HEMK2: variants seen among roughly 807,000 people sequenced by gnomAD.
The protein encoded by HEMK2 is HemK methyltransferase 2, ETF1 glutamine and histone H4 lysine, also known as methyltransferase HEMK2.
At chr21:28,852,257 A>G in the HEMK2 span, among the ~76,000 whole-genome samples, 1 of 152,192 alleles carries the variant, frequency 6.6e-6, no homozygotes, top group Admixed American at 6.5e-5. Context: ...CCCTCACCCT[A>G]TCAGTCAGGG....
At chr21:28,752,648 G>A in the HEMK2 span, among the ~76,000 whole-genome samples, 1 of 152,188 alleles carries the variant, frequency 6.6e-6, no homozygotes, top group African/African-American at 2.4e-5. Context: ...TTAGCCATCA[G>A]GAGAACAGGG....
At chr21:28,651,102 GA>G in the HEMK2 span, among the ~76,000 whole-genome samples, 1 of 152,160 alleles carries the variant, frequency 6.6e-6, no homozygotes, top group Admixed American at 6.5e-5. Flanking sequence ...AAGATAGTTA[GA>G]GCTACATTGC....
chr21:28,647,321 T>TAAAAAAAAA, the HEMK2 span, among the ~76,000 whole-genome samples: 1 of 46,444 alleles, frequency 2.2e-5, no homozygotes, highest in African/African-American at 9.0e-5. Flanking sequence ...CCATCTCTAC[T>TAAAAAAAAA]AAAAAAAAAA....
At chr21:28,638,444 G>A in the HEMK2 span, among the ~76,000 whole-genome samples, 1 of 152,190 alleles carries the variant, frequency 6.6e-6, no homozygotes, top group African/African-American at 2.4e-5. Context: ...TAAGCCTGGA[G>A]AGGCCAGCAA....
the HEMK2 span, among the ~76,000 whole-genome samples, chr21:28,814,236 C>CA: frequency 6.0e-5 from 9 of 151,090 alleles, no homozygotes; most frequent in African/African-American, 1.9e-4. Context: ...GACTCCATCT[C>CA]AAAAAAAACA....
the HEMK2 span, among the ~76,000 whole-genome samples, chr21:28,636,825 G>A: frequency 3.9e-4 from 60 of 152,230 alleles, no homozygotes; most frequent in African/African-American, 1.4e-3. Flanking sequence ...CAGAGAGTAC[G>A]ACTCCATCAC....
chr21:28,603,510 G>C, the HEMK2 span, among the ~76,000 whole-genome samples: 90,083 of 150,974 alleles, frequency 0.6, 27,111 homozygotes, highest in East Asian at 0.82. Flanking sequence ...TCTACAGAGA[G>C]TTTAACTCTT....
the HEMK2 span, among the ~76,000 whole-genome samples, chr21:28,742,600 G>A: frequency 1.3e-5 from 2 of 151,868 alleles, no homozygotes; most frequent in Non-Finnish European, 2.9e-5. Context: ...TGAAAAAAAT[G>A]GGCATAATTC....
the HEMK2 span, among the ~76,000 whole-genome samples, chr21:28,675,567 G>T: frequency 6.6e-6 from 1 of 152,192 alleles, no homozygotes; most frequent in African/African-American, 2.4e-5. Context: ...TTTTAACCTT[G>T]CTCAGGGCAT....
At chr21:28,650,240 C>T in the HEMK2 span, among the ~76,000 whole-genome samples, 2 of 152,096 alleles carry the variant, frequency 1.3e-5, no homozygotes, top group Non-Finnish European at 2.9e-5. Flanking sequence ...ACTAAAAATA[C>T]AAAAATTAGC....
the HEMK2 span, among the ~76,000 whole-genome samples, chr21:28,597,254 T>G: frequency 6.6e-6 from 1 of 152,100 alleles, no homozygotes; most frequent in South Asian, 2.1e-4. Context: ...ATAAAAAGAA[T>G]GACATTTTAG....
At chr21:28,581,725 G>C in the HEMK2 span, among the ~76,000 whole-genome samples, 1 of 152,146 alleles carries the variant, frequency 6.6e-6, no homozygotes, top group African/African-American at 2.4e-5. Flanking sequence ...ATTCTAGTTA[G>C]TCTTGAGAAC....
chr21:28,619,240 T>C, the HEMK2 span, among the ~76,000 whole-genome samples: 2 of 152,332 alleles, frequency 1.3e-5, no homozygotes, highest in East Asian at 3.9e-4. Context: ...GATACATGAC[T>C]ATTGTTACAG....
chr21:28,787,530 C>A, the HEMK2 span, among the ~76,000 whole-genome samples: 14 of 152,192 alleles, frequency 9.2e-5, no homozygotes, highest in East Asian at 2.5e-3. Context: ...AAAGAACAAT[C>A]CCATCAAAAA....
At chr21:28,821,490 T>A in the HEMK2 span, among the ~76,000 whole-genome samples, 1 of 152,214 alleles carries the variant, frequency 6.6e-6, no homozygotes, top group African/African-American at 2.4e-5. Flanking sequence ...CTTCCCTAGT[T>A]TGAGGAATTT....
the HEMK2 span, among the ~76,000 whole-genome samples, chr21:28,665,334 C>CTT: frequency 0.057 from 2,105 of 36,620 alleles, 156 homozygotes; most frequent in Middle Eastern, 0.13. Context: ...ATTTATATTT[C>CTT]TTTTTTTTTT....
At chr21:28,722,392 A>T in the HEMK2 span, among the ~76,000 whole-genome samples, 2 of 152,336 alleles carry the variant, frequency 1.3e-5, no homozygotes, top group South Asian at 4.1e-4. Context: ...AAGAGGCAGA[A>T]ATGTGCTAAA....
chr21:28,663,512 T>C, the HEMK2 span, among the ~76,000 whole-genome samples: 3 of 152,228 alleles, frequency 2.0e-5, no homozygotes, highest in Admixed American at 6.5e-5. Context: ...GTGCAGCATG[T>C]GGACAAAAGG....
chr21:28,869,049 A>G, the HEMK2 span, among the ~76,000 whole-genome samples: 2 of 151,410 alleles, frequency 1.3e-5, no homozygotes, highest in Non-Finnish European at 1.5e-5. Context: ...ATAGGTGGCA[A>G]TTTTCTCGTT....
Sources: gnomAD v4.1 joint callset for allele counts (sites outside exome capture counted in the v4.1 genomes callset) on GRCh38, gnomAD v4.1.1 for gene constraint, MANE v1.5 for transcripts, NCBI Gene and HGNC (gene_info 2026-07-23, HGNC 2026-07-21) for gene names.